The following FSHR variants were observed in gnomAD, a reference collection of about 807,000 sequenced individuals.
FSHR encodes follicle stimulating hormone receptor.
In FSHR, 46 loss-of-function variants were observed where a neutral mutation model predicts 52.1. That is an observed-to-expected ratio of 0.88 (90% CI 0.70 to 1.13). FSHR has a LOEUF of 1.13. Among genes scored for constraint, FSHR ranks in the 50% most tolerant of loss-of-function variants. FSHR has a pLI of 0.00. For missense variants in FSHR, 964 were observed against 834.6 expected, an observed-to-expected ratio of 1.16 and a Z score of -1.91; for synonymous variants, 399 against 309.6, an observed-to-expected ratio of 1.29 and a Z score of -3.03.
At chr2:49,117,605 A>G (rs1301892701) in intron 1 of FSHR, among the ~76,000 whole-genome samples, 1 of 152,188 alleles carries the variant, frequency 6.6e-6, no homozygotes, top group Non-Finnish European at 1.5e-5. Flanking sequence ...GCACTGTGCA[A>G]TGAAGCTGAA....
intron 9 of FSHR, among the ~76,000 whole-genome samples, chr2:48,965,434 A>G (rs1057375392): frequency 1.3e-5 from 2 of 152,208 alleles, no homozygotes; most frequent in Admixed American, 6.5e-5. Context: ...ATGGAAACGG[A>G]GCCCAGAAAA....
intron 1 of FSHR, among the ~76,000 whole-genome samples, chr2:49,123,318 C>T (rs1671884680): frequency 6.6e-6 from 1 of 151,964 alleles, no homozygotes; most frequent in Non-Finnish European, 1.5e-5. Context: ...AAAACCCTGT[C>T]TCTACAAGAA....
intron 8 of FSHR, 98 bp downstream of exon 8, chr2:48,982,814 C>G (rs1675311538): frequency 1.9e-6 from 2 of 1,055,184 alleles, no homozygotes; most frequent in Admixed American, 3.5e-5. Context: ...ACTTGATGGC[C>G]AGCCCTGTGT....
chr2:49,075,415 A>G (rs147145489), intron 1 of FSHR, among the ~76,000 whole-genome samples: 41 of 150,092 alleles, frequency 2.7e-4, no homozygotes, highest in Middle Eastern at 3.5e-3. Flanking sequence ...AAAGAGAAGA[A>G]TAAAAATTCA....
At position 49,122,270 on chromosome 2, in the gene FSHR, G is replaced by T. The variant is rs192262364; in HGVS notation, c.152+31996C>A. Among the ~76,000 whole-genome samples, 521 of 152,270 alleles carry T rather than the reference G, an allele frequency of 3.4e-3. 2 individuals carry two copies. Among genetic ancestry groups the T allele is most frequent in the African/African-American group, 0.011 (476 of 41,540 alleles). Reference sequence around the variant, plus strand: ...ACACGGGCATATTCTTGGCTTACACGGGAATGAGCTGGAGCCTTACTGATT... The same window carrying T: ...ACACGGGCATATTCTTGGCTTACACTGGAATGAGCTGGAGCCTTACTGATT... On this transcript the variant is annotated intron_variant, in intron 1 of 9. Transcript: ENST00000406846.
intron 1 of FSHR, among the ~76,000 whole-genome samples, chr2:49,120,244 C>G (rs1488809544): frequency 1.4e-4 from 22 of 152,120 alleles, no homozygotes; most frequent in Admixed American, 1.4e-3. Flanking sequence ...GCACTCCAGC[C>G]TGGGCAAGAG....
chr2:49,036,860 G>T (rs1668289688), intron 2 of FSHR, among the ~76,000 whole-genome samples: 1 of 152,154 alleles, frequency 6.6e-6, no homozygotes, highest in Admixed American at 6.5e-5. Flanking sequence ...ACACAGTAAT[G>T]CTGAATAAAA....
At chr2:49,010,922 C>T (rs1455236349) in intron 4 of FSHR, among the ~76,000 whole-genome samples, 1 of 151,908 alleles carries the variant, frequency 6.6e-6, no homozygotes, top group Non-Finnish European at 1.5e-5. Context: ...TCTCTCTTTT[C>T]TTCTTTATTA....
chr2:49,068,260 G>A lies in FSHR; in HGVS notation c.183C>T (p.Ile61=). The A allele has an allele frequency of 6.2e-7, 1 of 1,611,368 alleles. No homozygotes were observed. The highest frequency in any genetic ancestry group is 1.1e-5 in the South Asian group (1 of 90,972). Residue 61 remains isoleucine (I), a synonymous_variant, in exon 2 of 10, where the codon ATC becomes ATT. Coordinates refer to ENST00000406846, the MANE Select transcript of FSHR (RefSeq NM_000145.4). ...CAAATCCTGAAAATGCACCTTTTTG[G>A]ATGACTCGAAGCTTGGTGAGGACAA... ...LRFVLTKLRV[I]QKGAFSGFGD...
rs1237606139 is a variant in FSHR at position 48,962,467 on chromosome 2, T to G, written c.*266A>C. 2.6e-5 allele frequency: 11 copies of G among 431,176 alleles called. No homozygotes were observed. The highest frequency in any genetic ancestry group is 1.4e-4 in the African/African-American group (7 of 49,932). The allele number at this position is 431,176 out of a possible 1,614,324, so 26.7% of individuals were successfully genotyped here. On this transcript the variant is annotated 3_prime_UTR_variant, in exon 10 of 10. Coordinates refer to ENST00000406846, the MANE Select transcript of FSHR (RefSeq NM_000145.4). ...TTGAGATATCTGAACAAAAGCACTT[T>G]GAACATAACGTGCAAAAATAACATA...
At chr2:48,980,950 C>G (rs1451146515) in intron 8 of FSHR, among the ~76,000 whole-genome samples, 1 of 152,186 alleles carries the variant, frequency 6.6e-6, no homozygotes, top group Admixed American at 6.5e-5. Context: ...CCATCACTGA[C>G]ATATTCTGCC....
chr2:49,103,601 C>T (rs1365081067), intron 1 of FSHR, among the ~76,000 whole-genome samples: 2 of 152,088 alleles, frequency 1.3e-5, no homozygotes, highest in Admixed American at 6.6e-5. Context: ...CCCTACAGAA[C>T]CGATGGCCTG....
intron 1 of FSHR, among the ~76,000 whole-genome samples, chr2:49,083,380 A>G (rs371089850): frequency 2.6e-5 from 4 of 151,990 alleles, no homozygotes; most frequent in East Asian, 1.9e-4. Context: ...GGTACCAGCC[A>G]CTGCAAAATC....
chr2:48,983,125 G>A lies in FSHR; in HGVS notation c.566C>T (p.Ala189Val), dbSNP rs121909658. 2.8e-4 allele frequency: 450 copies of A among 1,613,968 alleles called. No individual in the cohort carries two copies. The highest frequency in any genetic ancestry group is 1.0e-5 in the Non-Finnish European group (12 of 1,179,996). ...CTCATCTAGTTGGGTTCCATTGAATGCACAGTTGTGTATTTCTTGAATCCC... is the reference window on the plus strand; with the variant it reads ...CTCATCTAGTTGGGTTCCATTGAATACACAGTTGTGTATTTCTTGAATCCC... Reference protein sequence around the residue: ...KNGIQEIHNCAFNGTQLDELN... With the variant: ...KNGIQEIHNCVFNGTQLDELN... The change falls in exon 7 of 10, where the codon GCA becomes GTA. Residue 189 changes from alanine to valine, a missense_variant. Coordinates refer to ENST00000406846, the MANE Select transcript of FSHR (RefSeq NM_000145.4).
At chr2:49,029,532 C>G (rs762797264) in intron 2 of FSHR, among the ~76,000 whole-genome samples, 39 of 152,184 alleles carry the variant, frequency 2.6e-4, no homozygotes, top group Non-Finnish European at 4.9e-4. Flanking sequence ...ATCACTGGAG[C>G]TTTCTGAGAT....
chr2:49,086,178 A>G (rs1222125392), intron 1 of FSHR, among the ~76,000 whole-genome samples: 3 of 152,208 alleles, frequency 2.0e-5, no homozygotes, highest in Non-Finnish European at 4.4e-5. Context: ...AAAAACTACA[A>G]ATGATTGGCC....
intron 8 of FSHR, among the ~76,000 whole-genome samples, chr2:48,978,019 A>G (rs751953697): frequency 6.6e-5 from 10 of 152,230 alleles, no homozygotes; most frequent in Non-Finnish European, 1.3e-4. Context: ...GAGAATTTAA[A>G]TCTTGAAAAG....
intron 1 of FSHR, among the ~76,000 whole-genome samples, chr2:49,121,810 T>G (rs966032125): frequency 1.3e-5 from 2 of 151,860 alleles, no homozygotes; most frequent in African/African-American, 2.4e-5. Flanking sequence ...TTTTTTTTCC[T>G]TAAGAAAAAT....
At chr2:49,005,514 G>T (rs1307880544) in intron 4 of FSHR, among the ~76,000 whole-genome samples, 1 of 152,124 alleles carries the variant, frequency 6.6e-6, no homozygotes, top group Non-Finnish European at 1.5e-5. Context: ...TGATAGTCCT[G>T]CATAAGATGT....
Sources: allele counts gnomAD v4.1 joint callset (sites outside exome capture counted in the v4.1 genomes callset), GRCh38; gene constraint gnomAD v4.1.1; transcripts MANE v1.5; gene names NCBI Gene and HGNC (gene_info 2026-07-23, HGNC 2026-07-21).